HTR2C: variants seen among roughly 807,000 people sequenced by gnomAD.
HTR2C encodes the protein 5-hydroxytryptamine receptor 2C.
Under a neutral mutation model 21.0 loss-of-function variants are expected in HTR2C, and 5 were observed. The observed-to-expected ratio is 0.24, with a 90% CI of 0.12 to 0.50. HTR2C has a LOEUF of 0.50. Among genes scored for constraint, HTR2C ranks in the 20% least tolerant of loss-of-function variants. The pLI is 0.98. For synonymous variants in HTR2C, 150 were observed against 145.3 expected, an observed-to-expected ratio of 1.03 and a Z score of -0.23; for missense variants, 271 against 371.2, an observed-to-expected ratio of 0.73 and a Z score of 2.22.
chrX:114,758,569 A>G (rs1002111837), intron 4 of HTR2C, among the ~76,000 whole-genome samples: 35 of 111,577 alleles, frequency 3.1e-4, no homozygotes, highest in African/African-American at 1.1e-3. Flanking sequence ...TCTAAAAAAG[A>G]AAAGATGTTT....
chrX:114,642,490 A>G (rs1488724804), intron 2 of HTR2C, among the ~76,000 whole-genome samples: 13 of 112,347 alleles, frequency 1.2e-4, no homozygotes, highest in African/African-American at 3.9e-4. Context: ...AATTAATACT[A>G]TGTGATACCA....
At chrX:114,725,815 G>A (rs1256647519) in intron 2 of HTR2C, among the ~76,000 whole-genome samples, 1 of 111,201 alleles carries the variant, frequency 9.0e-6, no homozygotes, top group Non-Finnish European at 1.9e-5. Flanking sequence ...GTGCCTCCCA[G>A]TTAGGCTGCT....
In HTR2C at chrX:114,875,561, A is replaced by T. The variant is rs182488467; in HGVS notation, c.550+27358A>T. On this transcript the variant is annotated intron_variant, in intron 5 of 5. Transcript: ENST00000276198. Reference sequence around the variant, plus strand: ...TTCAGTTTTTACATTTAAGTCTTTAATTCATTTTGAGTTTTGTTAATATGA... The same window carrying T: ...TTCAGTTTTTACATTTAAGTCTTTATTTCATTTTGAGTTTTGTTAATATGA... Among the ~76,000 whole-genome samples, 662 of 111,133 alleles carry T rather than the reference A, an allele frequency of 6.0e-3. 1 individual carries two copies. The highest frequency in any genetic ancestry group is 9.3e-3 in the Non-Finnish European group (490 of 52,926).
intron 2 of HTR2C, among the ~76,000 whole-genome samples, chrX:114,718,399 C>G (rs1443780966): frequency 1.8e-5 from 2 of 111,948 alleles, no homozygotes; most frequent in African/African-American, 6.5e-5. Context: ...AGTGTTCACA[C>G]TATTTTGGAT....
intron 2 of HTR2C, among the ~76,000 whole-genome samples, chrX:114,724,273 G>A (rs1450788474): frequency 2.1e-5 from 2 of 95,909 alleles, no homozygotes; most frequent in Non-Finnish European, 4.2e-5. Context: ...TTAAGTAATG[G>A]CCTTCTTTGT....
chrX:114,823,605 A>G (rs373085190), intron 4 of HTR2C: 145 of 323,816 alleles, frequency 4.5e-4, no homozygotes, highest in African/African-American at 3.4e-3. Context: ...ACTGAAGAAC[A>G]ATAAAATCTG....
intron 4 of HTR2C, among the ~76,000 whole-genome samples, chrX:114,798,209 C>T (rs1166217467): frequency 9.0e-6 from 1 of 110,804 alleles, no homozygotes; most frequent in East Asian, 2.8e-4. Flanking sequence ...CTTCATTTTG[C>T]AGATCTGGAA....
intron 2 of HTR2C, among the ~76,000 whole-genome samples, chrX:114,650,128 A>C (rs1930504630): frequency 8.9e-6 from 1 of 112,039 alleles, no homozygotes; most frequent in Non-Finnish European, 1.9e-5. Context: ...ATTTGACTAC[A>C]TTTAATGTCT....
At chrX:114,683,148 A>G (rs2079365769) in intron 2 of HTR2C, among the ~76,000 whole-genome samples, 1 of 111,712 alleles carries the variant, frequency 9.0e-6, no homozygotes, top group African/African-American at 3.3e-5. Context: ...ACTGTTTTTA[A>G]CTATTTTTAA....
chrX:114,754,055 TTTC>T (rs1390791987), intron 4 of HTR2C, among the ~76,000 whole-genome samples: 2 of 111,190 alleles, frequency 1.8e-5, no homozygotes, highest in East Asian at 2.8e-4. Flanking sequence ...TGTGTCCACT[TTTC>T]TTCTTCTTAA....
chrX:114,688,594 T>C (rs1158022583), intron 2 of HTR2C, among the ~76,000 whole-genome samples: 1 of 111,955 alleles, frequency 8.9e-6, no homozygotes, highest in Non-Finnish European at 1.9e-5. Context: ...ATTCATTTCT[T>C]AATGGTTGAT....
intron 2 of HTR2C, among the ~76,000 whole-genome samples, chrX:114,696,569 T>C (rs1364063965): frequency 2.1e-4 from 23 of 111,338 alleles, no homozygotes; most frequent in African/African-American, 7.2e-4. Context: ...TCCACAAAGA[T>C]GGACAGTAAT....
chrX:114,807,917 C>T (rs1330175112), intron 4 of HTR2C, among the ~76,000 whole-genome samples: 2 of 111,172 alleles, frequency 1.8e-5, no homozygotes, highest in East Asian at 2.8e-4. Context: ...ATGATCCACC[C>T]GCCTCGGCCT....
chrX:114,638,923 C>G (rs150397431), intron 2 of HTR2C, among the ~76,000 whole-genome samples: 5,040 of 109,523 alleles, frequency 0.046, 124 homozygotes, highest in Middle Eastern at 0.14. Context: ...TCCAGTCTAT[C>G]ATTGTTGGAC....
chrX:114,776,558 A>C (rs1303232311), intron 4 of HTR2C: 5 of 529,996 alleles, frequency 9.4e-6, no homozygotes, highest in Non-Finnish European at 1.7e-5. Flanking sequence ...GCATCCAATC[A>C]GATGTTTGGC....
intron 4 of HTR2C, among the ~76,000 whole-genome samples, chrX:114,764,345 C>T (rs905619674): frequency 9.4e-6 from 1 of 106,563 alleles, no homozygotes; most frequent in Non-Finnish European, 1.9e-5. Flanking sequence ...TTGCGATGAG[C>T]CGAGATCGCA....
intron 2 of HTR2C, among the ~76,000 whole-genome samples, chrX:114,695,347 A>C (rs1383958373): frequency 5.4e-5 from 6 of 111,911 alleles, no homozygotes; most frequent in Admixed American, 4.8e-4. Flanking sequence ...CTAGGATTGG[A>C]AGGTTTAAAA....
chrX:114,631,235 G>T (rs1929608137), intron 2 of HTR2C, among the ~76,000 whole-genome samples: 2 of 110,130 alleles, frequency 1.8e-5, no homozygotes, highest in South Asian at 7.9e-4. Context: ...GAACCTGGGA[G>T]GTGGAGGTTG....
At chrX:114,778,536 G>C (rs2070082702) in intron 4 of HTR2C, among the ~76,000 whole-genome samples, 1 of 62,590 alleles carries the variant, frequency 1.6e-5, no homozygotes, top group Non-Finnish European at 2.9e-5. Context: ...AAAAAAAGGA[G>C]AAAATCAGCC....
Sources: gnomAD v4.1 joint callset for allele counts (sites outside exome capture counted in the v4.1 genomes callset) on GRCh38, gnomAD v4.1.1 for gene constraint, MANE v1.5 for transcripts, NCBI Gene and HGNC (gene_info 2026-07-23, HGNC 2026-07-21) for gene names.